The following CSNK1G1 variants were observed in gnomAD, a reference collection of about 807,000 sequenced individuals.
CSNK1G1 encodes casein kinase I isoform gamma-1.
CSNK1G1 carries 22 observed loss-of-function variants against 59.6 expected under a neutral mutation model. The observed-to-expected ratio is 0.37, with a 90% CI of 0.26 to 0.53. The LOEUF is 0.53. CSNK1G1 is among the 20% of genes least tolerant of loss of function. The pLI, the probability that CSNK1G1 is intolerant of heterozygous loss-of-function variation, is 0.89. For synonymous variants in CSNK1G1, 179 were observed against 177.1 expected (o/e 1.01, Z -0.08); for missense variants, 384 against 519.5 (o/e 0.74, Z 2.54).
chr15:64,338,720 A>AC (rs1300469948), intron 1 of CSNK1G1, among the ~76,000 whole-genome samples: 2 of 134,530 alleles, frequency 1.5e-5, no homozygotes, highest in African/African-American at 2.8e-5. Context: ...AAAAAAAAAA[A>AC]AAAAAAAACA....
intron 1 of CSNK1G1, among the ~76,000 whole-genome samples, chr15:64,354,525 T>G (rs1898527857): frequency 6.6e-6 from 1 of 152,238 alleles, no homozygotes; most frequent in African/African-American, 2.4e-5. Context: ...TTTATTATTT[T>G]GAATTTTAAG....
intron 1 of CSNK1G1, among the ~76,000 whole-genome samples, chr15:64,306,629 G>C (rs1309251116): frequency 6.6e-6 from 1 of 152,096 alleles, no homozygotes; most frequent in East Asian, 1.9e-4. Flanking sequence ...ACATTTCTTG[G>C]TATTGACCCA....
At position 64,210,425 on chromosome 15, in the gene CSNK1G1, G is replaced by T. The variant is rs2082236054; in HGVS notation, c.680-2831C>A. Among the ~76,000 whole-genome samples, 1 of 152,026 alleles carries T rather than the reference G, an allele frequency of 6.6e-6. No homozygotes were observed. The highest frequency in any genetic ancestry group is 1.5e-5 in the Non-Finnish European group (1 of 67,994). On this transcript the variant is annotated intron_variant, in intron 6 of 11. Transcript: ENST00000303052. The surrounding 1 kb of genome is among the most constrained non-coding windows in gnomAD (Gnocchi z 4.2). ...ATACGACTTTGAACACTCCACACTT[G>T]TCCAATTCATTATTTCTACATGCCC...
chr15:64,300,944 A>T (rs997236975), intron 1 of CSNK1G1, among the ~76,000 whole-genome samples: 1 of 152,192 alleles, frequency 6.6e-6, no homozygotes, highest in Admixed American at 6.5e-5. Context: ...CTACAGAAAC[A>T]CACAAGCCTT....
rs1434150308 is a variant in CSNK1G1, at chr15:64,171,305, T to C, written c.*626A>G. 6.5e-6 allele frequency: 1 copy of C among 153,092 alleles called. No individual in the cohort carries two copies. Among genetic ancestry groups the C allele is most frequent in the Non-Finnish European group, 1.5e-5 (1 of 68,436 alleles). The allele number at this position is 153,092 out of a possible 1,614,324, so 9.5% of individuals were successfully genotyped here. A position where few individuals can be genotyped will look rare whatever the true frequency, so the allele number is the denominator to read the frequency against. Reference sequence around the variant, plus strand: ...ACAGGGACAGTAGACTGCAGATTGCTCACAGCTTGTGTCCTACAGTGTAAC... The same window carrying C: ...ACAGGGACAGTAGACTGCAGATTGCCCACAGCTTGTGTCCTACAGTGTAAC... On this transcript the variant is annotated 3_prime_UTR_variant, in exon 12 of 12. Coordinates refer to ENST00000303052, the MANE Select transcript of CSNK1G1 (RefSeq NM_022048.5). This position sits in a 1 kb window ranked among gnomAD's most constrained non-coding sequence, Gnocchi z 4.8.
Position 64,229,924 on chromosome 15 carries a change from T to A in CSNK1G1, c.293-13211A>T, listed in dbSNP as rs1270866233. Among the ~76,000 whole-genome samples, 215 of 112,376 alleles carry A rather than the reference T, an allele frequency of 1.9e-3. 6 individuals carry two copies. The highest frequency in any genetic ancestry group is 7.4e-3 in the African/African-American group (209 of 28,372). The allele number at this position is 112,376 out of a possible 152,430, so 73.7% of individuals were successfully genotyped here. On this transcript the variant is annotated intron_variant, in intron 4 of 11. Transcript: ENST00000303052. Reference sequence around the variant, plus strand: ...TAAATTTTTTTTTTTTTTTTTTTTTTTTTTTTTTTTTTTTTAAGACAGAAT... The same window carrying A: ...TAAATTTTTTTTTTTTTTTTTTTTTATTTTTTTTTTTTTTTAAGACAGAAT...
chr15:64,234,893 T>C (rs1265489549), intron 4 of CSNK1G1, among the ~76,000 whole-genome samples: 1 of 152,070 alleles, frequency 6.6e-6, no homozygotes, highest in African/African-American at 2.4e-5. Flanking sequence ...GAATGTGCAG[T>C]TGTGACATAA....
intron 10 of CSNK1G1, among the ~76,000 whole-genome samples, chr15:64,198,010 C>A (rs1159333754): frequency 6.6e-6 from 1 of 151,962 alleles, no homozygotes; most frequent in African/African-American, 2.4e-5. Flanking sequence ...CAGCTTCTCT[C>A]ATCAAATTAT....
intron 4 of CSNK1G1, among the ~76,000 whole-genome samples, chr15:64,231,584 G>C (rs892227702): frequency 1.3e-5 from 2 of 151,670 alleles, no homozygotes; most frequent in Non-Finnish European, 2.9e-5. Flanking sequence ...CATGAACAGA[G>C]ACATAGCAGC....
chr15:64,238,265 C>T (rs1377256395), intron 4 of CSNK1G1, among the ~76,000 whole-genome samples: 1 of 151,002 alleles, frequency 6.6e-6, no homozygotes, highest in Non-Finnish European at 1.5e-5. Flanking sequence ...TATATACGCA[C>T]ATAAAAAAAA....
Position 64,253,483 on chromosome 15 carries a change from T to C in CSNK1G1, c.223-1902A>G, listed in dbSNP as rs182887256. ...GTGCACTGCTGATGGGAATGCAAAA[T>C]GGTGCGACCGCTCTGGAAAATGGCA... is the stretch of plus-strand genomic sequence containing the variant. On this transcript the variant is annotated intron_variant, in intron 3 of 11. Coordinates refer to ENST00000303052, the MANE Select transcript of CSNK1G1 (RefSeq NM_022048.5). 2.2e-3 allele frequency among the ~76,000 whole-genome samples: 338 copies of C among 152,254 alleles called. 1 individual carries two copies. Among genetic ancestry groups the C allele is most frequent in the Admixed American group, 3.9e-3 (60 of 15,298 alleles).
At chr15:64,206,870 T>C (rs1437563195) in intron 7 of CSNK1G1, among the ~76,000 whole-genome samples, 2 of 152,212 alleles carry the variant, frequency 1.3e-5, no homozygotes, top group Non-Finnish European at 2.9e-5. Context: ...TTCATTTTAG[T>C]TCAGGTGAGT....
Position 64,332,803 on chromosome 15 carries a change from T to C in CSNK1G1, c.-225+23185A>G, listed in dbSNP as rs577643064. The stretch of plus-strand genomic sequence containing the variant: ...TGCTCATATAAGCAAAATATCTTAC[T>C]TTTATGTTTAAAGTTACATAAAATT... On this transcript the variant is annotated intron_variant, in intron 1 of 11. Coordinates refer to ENST00000303052, the MANE Select transcript of CSNK1G1 (RefSeq NM_022048.5). 6.2e-4 allele frequency among the ~76,000 whole-genome samples: 95 copies of C among 152,214 alleles called. No homozygotes were observed. The South Asian group carries it at 0.019, about 31-fold the overall frequency.
At chr15:64,221,896 T>C (rs765781165) in intron 4 of CSNK1G1, among the ~76,000 whole-genome samples, 6 of 151,974 alleles carry the variant, frequency 3.9e-5, no homozygotes, top group South Asian at 2.1e-4. Flanking sequence ...GAACCAGAAA[T>C]ACCACTTGAC....
chr15:64,302,886 T>C (rs1895438921), intron 1 of CSNK1G1, among the ~76,000 whole-genome samples: 1 of 152,220 alleles, frequency 6.6e-6, no homozygotes, highest in South Asian at 2.1e-4. Flanking sequence ...TTTCTCTTCA[T>C]ATTTTTCATT....
chr15:64,311,417 T>C (rs1279747851), intron 1 of CSNK1G1, among the ~76,000 whole-genome samples: 3 of 152,172 alleles, frequency 2.0e-5, no homozygotes, highest in Non-Finnish European at 4.4e-5. Flanking sequence ...CAGAAGGAGT[T>C]TGGATAATTT....
At chr15:64,254,684 G>A (rs1436002077) in intron 3 of CSNK1G1, among the ~76,000 whole-genome samples, 1 of 152,058 alleles carries the variant, frequency 6.6e-6, no homozygotes, top group African/African-American at 2.4e-5. Context: ...CTGTTATAAT[G>A]GTAAATTCTG....
intron 2 of CSNK1G1, among the ~76,000 whole-genome samples, chr15:64,267,256 C>CA (rs199581105): frequency 0.038 from 2,331 of 61,238 alleles, 34 homozygotes; most frequent in African/African-American, 0.043. Flanking sequence ...GACCTTATCT[C>CA]AAAAAAAAAA....
intron 4 of CSNK1G1, among the ~76,000 whole-genome samples, chr15:64,226,899 T>TC (rs965560074): frequency 1.3e-5 from 2 of 152,178 alleles, no homozygotes; most frequent in Admixed American, 6.6e-5. Context: ...AGTACAGTGA[T>TC]CCCCTTCCTG....
Sources: gnomAD v4.1 joint callset for allele counts (sites outside exome capture counted in the v4.1 genomes callset) on GRCh38, gnomAD v4.1.1 for gene constraint, Gnocchi (gnomAD v3.1) non-coding constraint, MANE v1.5 for transcripts, NCBI Gene and HGNC (gene_info 2026-07-23, HGNC 2026-07-21) for gene names.